The following PRKCH variants were observed in gnomAD, a reference collection of about 807,000 sequenced individuals.
PRKCH encodes protein kinase C eta.
PRKCH carries 28 observed loss-of-function variants against 82.5 expected under a neutral mutation model. The ratio of observed to expected loss-of-function variants is 0.34; its 90% CI spans 0.25 to 0.47. The LOEUF is 0.47. Ranked by LOEUF, PRKCH falls within the 20% of genes least tolerant of loss-of-function variation. The pLI is 1.00. For synonymous variants in PRKCH, 322 were observed against 327.4 expected, an observed-to-expected ratio of 0.98 and a Z score of 0.18; for missense variants, 705 against 881.8, an observed-to-expected ratio of 0.80 and a Z score of 2.54.
intron 1 of PRKCH, chr14:61,305,476 T>TTA (rs2045479917): frequency 1.3e-5 from 2 of 152,006 alleles, no homozygotes; most frequent in Non-Finnish European, 2.9e-5. Flanking sequence ...AGGACTCCAA[T>TTA]TATATATATA....
intron 7 of PRKCH, among the ~76,000 whole-genome samples, chr14:61,453,827 A>AT (rs72122441): frequency 0.011 from 1,655 of 144,056 alleles, 27 homozygotes; most frequent in African/African-American, 0.038. Context: ...GTAATTTTTT[A>AT]TTTTTTTTTT....
intron 10 of PRKCH, among the ~76,000 whole-genome samples, chr14:61,518,924 C>T (rs374548828): frequency 7.9e-5 from 12 of 152,244 alleles, no homozygotes; most frequent in African/African-American, 2.9e-4. Context: ...GCAATCCTCT[C>T]ACCCCAGCCT....
At chr14:61,523,327 T>G (rs1439647388) in intron 10 of PRKCH, among the ~76,000 whole-genome samples, 2 of 152,372 alleles carry the variant, frequency 1.3e-5, no homozygotes, top group South Asian at 2.1e-4. Context: ...CCCTCTATCA[T>G]AGTGCCATCT....
At chr14:61,327,893 G>T (rs1390035441) in intron 1 of PRKCH, among the ~76,000 whole-genome samples, 1 of 152,198 alleles carries the variant, frequency 6.6e-6, no homozygotes, top group African/African-American at 2.4e-5. Context: ...AATAGTTGAG[G>T]AGTTACTGGA....
chr14:61,235,796 G>A (rs557696454), intron 1 of PRKCH, among the ~76,000 whole-genome samples: 1 of 152,264 alleles, frequency 6.6e-6, no homozygotes, highest in African/African-American at 2.4e-5. Context: ...ATGAGATTAG[G>A]TTCAGATGAC....
At chr14:61,206,610 T>A (rs2044526294) in intron 1 of PRKCH, among the ~76,000 whole-genome samples, 1 of 152,176 alleles carries the variant, frequency 6.6e-6, no homozygotes, top group Non-Finnish European at 1.5e-5. Context: ...GACTTCCATG[T>A]CTTTCCATCC....
intron 10 of PRKCH, among the ~76,000 whole-genome samples, chr14:61,491,549 C>T (rs1278551819): frequency 1.3e-5 from 2 of 152,152 alleles, no homozygotes; most frequent in East Asian, 1.9e-4. Flanking sequence ...CCATGGTGGC[C>T]TCATTCAGTG....
intron 1 of PRKCH, among the ~76,000 whole-genome samples, chr14:61,193,358 C>T (rs1450034543): frequency 6.6e-6 from 1 of 152,120 alleles, no homozygotes; most frequent in Non-Finnish European, 1.5e-5. Context: ...ACATTAATTA[C>T]AAAACCAGAT....
At chr14:61,431,268 C>G (rs544319124) in intron 2 of PRKCH, among the ~76,000 whole-genome samples, 5 of 152,174 alleles carry the variant, frequency 3.3e-5, no homozygotes, top group South Asian at 2.1e-4. Flanking sequence ...ACTGCACATG[C>G]GGACAGCCCA....
At chr14:61,245,990 C>G (rs952920619) in intron 1 of PRKCH, among the ~76,000 whole-genome samples, 4 of 152,188 alleles carry the variant, frequency 2.6e-5, no homozygotes, top group African/African-American at 9.7e-5. Context: ...TGAGGGAGAG[C>G]TTCCAGGTGA....
chr14:61,535,435 T>A (rs1231902676), intron 12 of PRKCH, among the ~76,000 whole-genome samples: 1 of 152,228 alleles, frequency 6.6e-6, no homozygotes. Context: ...AAGGAGGCCA[T>A]CTGGAGGAGA....
chr14:61,542,207 T>G (rs1013754245), intron 12 of PRKCH, among the ~76,000 whole-genome samples: 3 of 152,020 alleles, frequency 2.0e-5, no homozygotes, highest in African/African-American at 7.3e-5. Context: ...GGAGAATTGC[T>G]TGAACCTGGG....
At chr14:61,458,273 C>T (rs1264508100) in intron 9 of PRKCH, among the ~76,000 whole-genome samples, 1 of 152,188 alleles carries the variant, frequency 6.6e-6, no homozygotes, top group Non-Finnish European at 1.5e-5. Flanking sequence ...AACACTTGAC[C>T]AGCGGTGGAT....
intron 2 of PRKCH, among the ~76,000 whole-genome samples, chr14:61,395,290 G>GGCCCCC (rs1555383074): frequency 8.0e-6 from 1 of 124,256 alleles, no homozygotes; most frequent in Non-Finnish European, 1.7e-5. Context: ...AGGAAATGGA[G>GGCCCCC]CCCCCCCCCG....
At chr14:61,294,155 C>G (rs1001615365) in intron 1 of PRKCH, among the ~76,000 whole-genome samples, 2 of 151,796 alleles carry the variant, frequency 1.3e-5, no homozygotes, top group African/African-American at 4.8e-5. Flanking sequence ...GAGTCTCGCT[C>G]TGTCGCCCAG....
chr14:61,470,104 G>A (rs796466346), intron 9 of PRKCH, among the ~76,000 whole-genome samples: 3 of 151,144 alleles, frequency 2.0e-5, no homozygotes, highest in African/African-American at 7.3e-5. Flanking sequence ...AAGAGTCTGG[G>A]GGGCTTGTCT....
chr14:61,510,256 CAG>C (rs1409282348), intron 10 of PRKCH, among the ~76,000 whole-genome samples: 6 of 152,028 alleles, frequency 3.9e-5, no homozygotes, highest in Non-Finnish European at 8.8e-5. Context: ...TAGAAGCCAA[CAG>C]AGGTTTTTGA....
chr14:61,441,517 C>T (rs530688939), intron 2 of PRKCH, among the ~76,000 whole-genome samples: 64 of 152,248 alleles, frequency 4.2e-4, no homozygotes, highest in African/African-American at 1.3e-3. Context: ...CTTATGCGTC[C>T]GTCTTGGGTA....
chr14:61,539,292 T>C (rs1487857575), intron 12 of PRKCH, among the ~76,000 whole-genome samples: 1 of 152,090 alleles, frequency 6.6e-6, no homozygotes, highest in Admixed American at 6.6e-5. Context: ...TGGAAAGGAA[T>C]TGAGTATGTG....
Sources: allele counts gnomAD v4.1 joint callset (sites outside exome capture counted in the v4.1 genomes callset), GRCh38; gene constraint gnomAD v4.1.1; transcripts MANE v1.5; gene names NCBI Gene and HGNC (gene_info 2026-07-23, HGNC 2026-07-21).